Variants in TENM2 observed in about 807,000 individuals in gnomAD.
TENM2 encodes teneurin-2.
A neutral mutation model predicts 245.2 loss-of-function variants in TENM2; 52 were observed. That is an observed-to-expected ratio of 0.21 (90% CI 0.17 to 0.27). TENM2 has a LOEUF of 0.27. Among genes scored for constraint, TENM2 ranks in the 10% least tolerant of loss-of-function variants. The pLI is 1.00. For synonymous variants in TENM2, 1,363 were observed against 1,438.9 expected (o/e 0.95, Z 1.19); for missense variants, 3,046 against 3,666.8 (o/e 0.83, Z 4.37).
intron 3 of TENM2, chr5:167,948,704 T>C (rs1297745636): frequency 6.6e-6 from 1 of 152,248 alleles, no homozygotes; most frequent in Non-Finnish European, 1.5e-5. Context: ...GAATTTACCT[T>C]ATATAGTTTC....
chr5:167,162,375 C>G, the TENM2 span, among the ~76,000 whole-genome samples: 4 of 151,988 alleles, frequency 2.6e-5, no homozygotes, highest in Non-Finnish European at 5.9e-5. Context: ...GGCCTGTAAT[C>G]CTGGCACCTT....
intron 2 of TENM2, among the ~76,000 whole-genome samples, chr5:167,657,999 A>G (rs1368240774): frequency 6.6e-6 from 1 of 152,212 alleles, no homozygotes; most frequent in African/African-American, 2.4e-5. Flanking sequence ...ATAAGTTGCC[A>G]TAGAAAGTGT....
At chr5:168,211,612 A>G in intron 19 of TENM2, 122 bp from the exon 22 acceptor site, 2 of 635,246 alleles carry the variant, frequency 3.1e-6, no homozygotes, top group Non-Finnish European at 5.4e-6. Flanking sequence ...CAGGGGAAAA[A>G]AGAAAAAGAC....
chr5:167,099,936 G>A, the TENM2 span, among the ~76,000 whole-genome samples: 4 of 152,180 alleles, frequency 2.6e-5, no homozygotes, highest in Non-Finnish European at 5.9e-5. Context: ...GGTGGGCACT[G>A]CAGTACTTTT....
At chr5:168,106,370 A>C (rs896485154) in intron 9 of TENM2, among the ~76,000 whole-genome samples, 2 of 151,710 alleles carry the variant, frequency 1.3e-5, no homozygotes, top group African/African-American at 4.9e-5. Flanking sequence ...TCATCATCAG[A>C]GCTGGCATTT....
chr5:167,682,119 TCCC>T (rs1756764962), intron 2 of TENM2, among the ~76,000 whole-genome samples: 1 of 96,496 alleles, frequency 1.0e-5, no homozygotes. Flanking sequence ...CCTCCCTCCC[TCCC>T]TCCCTGCCTG....
chr5:167,207,450 T>A, the TENM2 span, among the ~76,000 whole-genome samples: 1 of 152,346 alleles, frequency 6.6e-6, no homozygotes, highest in African/African-American at 2.4e-5. Context: ...TGTTACAAAA[T>A]ACTCCTTTAA....
intron 2 of TENM2, among the ~76,000 whole-genome samples, chr5:167,444,322 AT>A (rs1489646415): frequency 3.8e-5 from 4 of 104,816 alleles, no homozygotes; most frequent in Non-Finnish European, 9.1e-5. Context: ...CACACACACA[AT>A]CCTTAATTCT....
chr5:167,313,621 A>G lies in TENM2; in HGVS notation c.226+28558A>G, dbSNP rs867988613. Among the ~76,000 whole-genome samples, 50 of 152,226 alleles carry G rather than the reference A, an allele frequency of 3.3e-4. 1 individual carries two copies. The highest frequency in any genetic ancestry group is 1.2e-3 in the African/African-American group (49 of 41,542). On this transcript the variant is annotated intron_variant, in intron 1 of 28. Coordinates refer to ENST00000518659, the Ensembl canonical transcript of TENM2. ...ATTTATTATTAAGTCTGTGACACCA[A>G]TGTACTTCACTTGGCAAGTCACTTA...
chr5:167,676,337 A>G (rs1205716282), intron 2 of TENM2, among the ~76,000 whole-genome samples: 4 of 152,012 alleles, frequency 2.6e-5, no homozygotes, highest in Non-Finnish European at 5.9e-5. Flanking sequence ...ATCCATCGCT[A>G]AACAATTATC....
intron 2 of TENM2, among the ~76,000 whole-genome samples, chr5:167,570,931 A>C (rs1418761058): frequency 6.6e-6 from 1 of 152,128 alleles, no homozygotes; most frequent in African/African-American, 2.4e-5. Context: ...GCTTGCTTCG[A>C]GGGTGAGTTC....
chr5:167,216,585 A>G, the TENM2 span, among the ~76,000 whole-genome samples: 3 of 152,194 alleles, frequency 2.0e-5, no homozygotes, highest in South Asian at 4.1e-4. Flanking sequence ...CGGAATGGCT[A>G]CAGTATAGCA....
At chr5:167,108,690 C>T in the TENM2 span, among the ~76,000 whole-genome samples, 5 of 152,228 alleles carry the variant, frequency 3.3e-5, no homozygotes, top group African/African-American at 1.2e-4. Flanking sequence ...AGTAGGTTCT[C>T]ATCCTTGCAG....
At chr5:167,752,223 T>C (rs566418570) in intron 2 of TENM2, among the ~76,000 whole-genome samples, 1 of 151,498 alleles carries the variant, frequency 6.6e-6, no homozygotes, top group African/African-American at 2.4e-5. Flanking sequence ...GCCTCCTGAG[T>C]AGCTGGGATT....
intron 7 of TENM2, among the ~76,000 whole-genome samples, chr5:168,076,173 TTTTTATTTTA>T (rs202117061): frequency 0.29 from 38,650 of 131,634 alleles, 6,232 homozygotes; most frequent in Non-Finnish European, 0.34. Flanking sequence ...GTTTGCTTTA[TTTTTATTTTA>T]TTTTATTTTA....
intron 2 of TENM2, among the ~76,000 whole-genome samples, chr5:167,517,905 G>A (rs536969064): frequency 6.6e-6 from 1 of 151,976 alleles, no homozygotes; most frequent in African/African-American, 2.4e-5. Flanking sequence ...CATTCAGCAG[G>A]GGCCGGGCAC....
At chr5:167,470,673 A>G (rs1180207190) in intron 2 of TENM2, among the ~76,000 whole-genome samples, 2 of 151,838 alleles carry the variant, frequency 1.3e-5, no homozygotes, top group Non-Finnish European at 2.9e-5. Flanking sequence ...TTCCTCCTCT[A>G]CTCAATGATC....
intron 2 of TENM2, among the ~76,000 whole-genome samples, chr5:167,573,641 C>T (rs1774436790): frequency 6.6e-6 from 1 of 152,038 alleles, no homozygotes; most frequent in Non-Finnish European, 1.5e-5. Flanking sequence ...CATTGACTCT[C>T]CTCTCTTCTC....
At chr5:167,880,587 T>C (rs1773799680) in intron 3 of TENM2, among the ~76,000 whole-genome samples, 1 of 152,152 alleles carries the variant, frequency 6.6e-6, no homozygotes, top group Non-Finnish European at 1.5e-5. Context: ...ATCCTCACAA[T>C]GAGGCCAGAA....
Sources: gnomAD v4.1 joint callset for allele counts (sites outside exome capture counted in the v4.1 genomes callset) on GRCh38, gnomAD v4.1.1 for gene constraint, MANE v1.5 for transcripts, NCBI Gene and HGNC (gene_info 2026-07-23, HGNC 2026-07-21) for gene names.